LRFN1: variants seen among roughly 807,000 people sequenced by gnomAD.
LRFN1 encodes leucine-rich repeat and fibronectin type III domain-containing protein 1.
A neutral mutation model predicts 31.8 loss-of-function variants in LRFN1; 20 were observed. That is an observed-to-expected ratio of 0.63 (90% CI 0.44 to 0.91). The LOEUF (loss-of-function observed/expected upper bound fraction) is 0.91. Ranked by LOEUF, LRFN1 falls within the 40% of genes least tolerant of loss-of-function variation. The pLI is 0.00. For synonymous variants in LRFN1, 514 were observed against 541.3 expected (o/e 0.95, Z 0.70); for missense variants, 912 against 1,129.8 (o/e 0.81, Z 2.76).
chr19:39,312,264 C>A (rs1284471562), intron 4 of LRFN1, among the ~76,000 whole-genome samples: 1 of 151,848 alleles, frequency 6.6e-6, no homozygotes, highest in Non-Finnish European at 1.5e-5. Context: ...GAGATGGAGG[C>A]CAAGAGGCAG....
In LRFN1 at chr19:39,315,199, T is replaced by C. The variant is rs773502445; in HGVS notation, c.138A>G (p.Thr46=). The C allele has an allele frequency of 1.1e-5, 17 of 1,583,152 alleles. No individual in the cohort carries two copies. The East Asian group carries it at 3.2e-4, about 29-fold the overall frequency. Residue 46 remains threonine (T), a synonymous_variant, in exon 4 of 5, where the codon ACA becomes ACG. Transcript: ENST00000248668. This position sits in a 1 kb window ranked among gnomAD's most constrained non-coding sequence, Gnocchi z 4.7. ...GRCICQNVAP[T]LTMLCAKTGL... The stretch of plus-strand genomic sequence containing the variant: ...CGGTCTTGGCGCACAGCATTGTCAG[T>C]GTGGGCGCCACGTTCTGGCAGATGC...
intron 2 of LRFN1, among the ~76,000 whole-genome samples, chr19:39,317,976 G>A (rs901353487): frequency 6.6e-6 from 1 of 151,962 alleles, no homozygotes; most frequent in Non-Finnish European, 1.5e-5. Flanking sequence ...TAAATGCAGG[G>A]GTCATTTCAT....
chr19:39,320,015 C>T (rs946267784), intron 1 of LRFN1, among the ~76,000 whole-genome samples: 2 of 151,526 alleles, frequency 1.3e-5, no homozygotes, highest in African/African-American at 2.4e-5. Context: ...GCCGGGTCTT[C>T]GCCCCCCAAC....
Position 39,315,112 on chromosome 19 carries a change from G to T in LRFN1, c.225C>A (p.Asn75Lys). Residue 75 changes from asparagine to lysine, a missense_variant, in exon 4 of 5, where the codon AAC (asparagine) becomes AAA (lysine). By Grantham distance (94) the Asn-to-Lys change is moderately conservative (BLOSUM62 0). Coordinates refer to ENST00000248668, the MANE Select transcript of LRFN1 (RefSeq NM_020862.2). This position sits in a 1 kb window ranked among gnomAD's most constrained non-coding sequence, Gnocchi z 4.7. ...RRVVELRLTDNFIAAVRRRDF... is the reference protein window; with the variant it reads ...RRVVELRLTDKFIAAVRRRDF... ...CTCGGCGGCGCACGGCGGCGATGAA[G>T]TTGTCGGTGAGCCGCAGCTCCACCA... 1 of 1,593,954 alleles carries T rather than the reference G, an allele frequency of 6.3e-7. No individual in the cohort carries two copies.
chr19:39,311,552 G>A (rs1387169253), intron 4 of LRFN1, among the ~76,000 whole-genome samples: 2 of 152,198 alleles, frequency 1.3e-5, no homozygotes, highest in African/African-American at 2.4e-5. Context: ...AGTGTATAAA[G>A]GACAGCTTTG....
intron 1 of LRFN1, among the ~76,000 whole-genome samples, chr19:39,320,096 C>T (rs894925002): frequency 2.5e-4 from 36 of 143,560 alleles, no homozygotes; most frequent in African/African-American, 8.9e-4. Flanking sequence ...CTCCTGGCCG[C>T]CCATCCCCCC....
rs1399670006 is a variant in LRFN1, at chr19:39,307,596, T to G, written c.*37A>C. The G allele has an allele frequency of 3.6e-6, 5 of 1,374,408 alleles. No individual in the cohort carries two copies. Among genetic ancestry groups the G allele is most frequent in the Non-Finnish European group, 3.7e-6 (4 of 1,071,202 alleles). 85.1% of individuals were successfully genotyped at this position (1,374,408 alleles called of 1,614,324 possible). ...AGCGTCCGTGCGGCTGGGCGTTTGG[T>G]CTGCGGCACCCAGGCGTCCCGGCGC... On this transcript the variant is annotated 3_prime_UTR_variant, in exon 5 of 5. Transcript: ENST00000248668. The surrounding 1 kb of genome is among the most constrained non-coding windows in gnomAD (Gnocchi z 6.7).
Position 39,314,038 on chromosome 19 carries a change from G to T in LRFN1, c.1299C>A (p.Leu433=). 1.9e-6 allele frequency: 3 copies of T among 1,611,070 alleles called. No individual in the cohort carries two copies. The highest frequency in any genetic ancestry group is 1.1e-5 in the South Asian group (1 of 91,066). Residue 433 remains leucine, a synonymous_variant, in exon 4 of 5, where the codon CTC becomes CTA. Coordinates refer to ENST00000248668, the MANE Select transcript of LRFN1 (RefSeq NM_020862.2). The part of the protein sequence containing the change: ...AAERRLVAAE[L]TSNSVLIRWP... ...AGCGGATGAGCACGGAGTTCGAGGT[G>T]AGCTCGGCTGCCACGAGCCGACGCT...
In LRFN1 at chr19:39,313,922, C is replaced by T. The variant is rs956942455; in HGVS notation, c.1406+9G>A. 1.9e-6 allele frequency: 3 copies of T among 1,577,052 alleles called. No homozygotes were observed. Among genetic ancestry groups the T allele is most frequent in the African/African-American group, 1.3e-5 (1 of 74,636 alleles). On this transcript the variant is annotated intron_variant, in intron 4 of 4. Transcript: ENST00000248668. ...GAGGAGGCCCTGGGACTGCAGCACC[C>T]GCACCCACCTGTAGACGAGGGAGTC...
In LRFN1 at chr19:39,307,297, C is replaced by T; in HGVS notation, c.*336G>A. The T allele has an allele frequency of 2.5e-6, 1 of 399,760 alleles. No individual in the cohort carries two copies. Among genetic ancestry groups the T allele is most frequent in the Non-Finnish European group, 4.4e-6 (1 of 226,620 alleles). 24.8% of individuals were successfully genotyped at this position (399,760 alleles called of 1,614,324 possible). A position where few individuals can be genotyped will look rare whatever the true frequency, so the allele number is the denominator to read the frequency against. On this transcript the variant is annotated 3_prime_UTR_variant, in exon 5 of 5. Transcript: ENST00000248668. This position sits in a 1 kb window ranked among gnomAD's most constrained non-coding sequence, Gnocchi z 6.7. The stretch of plus-strand genomic sequence containing the variant: ...GGGGGAGGGGGCTCGTGTCTCAGTG[C>T]TGCAGTGTCAGGGGGCCCTGCCCCT...
chr19:39,314,838 G>C lies in LRFN1; in HGVS notation c.499C>G (p.Leu167Val), dbSNP rs1353719808. 6.2e-7 allele frequency: 1 copy of C among 1,612,068 alleles called. No homozygotes were observed. Among genetic ancestry groups the C allele is most frequent in the African/African-American group, 1.3e-5 (1 of 74,910 alleles). Residue 167 changes from leucine to valine, a missense_variant, in exon 4 of 5, where the codon CTG becomes GTG. This residue lies in a region of LRFN1 where 401 missense variants were observed against 572.7 expected (regional missense o/e 0.70). Transcript: ENST00000248668. ...TCCAGGTTGTTGTAGGACAGATCCA[G>C]GTCCTCCACGGTGGACAGGAAGGCG... is the stretch of plus-strand genomic sequence containing the variant. ...FDAFLSTVED[L>V]DLSYNNLEAL... is the part of the protein sequence containing the mutation.
rs1263988938 is a variant in LRFN1 at position 39,314,146 on chromosome 19, C to T, written c.1191G>A (p.Pro397=). The T allele has an allele frequency of 6.2e-7, 1 of 1,611,968 alleles. No homozygotes were observed. ...VVPLPLMAPP[P]AAPPPLTEPG... ...GCTCGGTGAGAGGCGGCGGGGCAGC[C>T]GGCGGGGGTGCCATCAGAGGCAGAG... The change falls in exon 4 of 5, where the codon CCG becomes CCA. Residue 397 remains proline (P), a synonymous_variant. Coordinates refer to ENST00000248668, the MANE Select transcript of LRFN1 (RefSeq NM_020862.2).
In LRFN1 at chr19:39,313,996, A is replaced by G; in HGVS notation, c.1341T>C (p.Pro447=). ...CCTGGTACATGCGTATTCCGGGCACAGGCCTCTGGGCTGGCCAGCGGATGA... is the reference window on the plus strand; with the variant it reads ...CCTGGTACATGCGTATTCCGGGCACGGGCCTCTGGGCTGGCCAGCGGATGA... The part of the protein sequence containing the change: ...SVLIRWPAQR[P]VPGIRMYQVQ... Residue 447 remains proline, a synonymous_variant, in exon 4 of 5, where the codon CCT becomes CCC. Transcript: ENST00000248668. 1 of 1,610,826 alleles carries G rather than the reference A, an allele frequency of 6.2e-7. No homozygotes were observed. Among genetic ancestry groups the G allele is most frequent in the Non-Finnish European group, 8.5e-7 (1 of 1,179,296 alleles).
At position 39,313,993 on chromosome 19, in the gene LRFN1, C is replaced by T; in HGVS notation, c.1344G>A (p.Val448=). The T allele has an allele frequency of 6.2e-7, 1 of 1,610,530 alleles. No individual in the cohort carries two copies. Among genetic ancestry groups the T allele is most frequent in the South Asian group, 1.1e-5 (1 of 91,056 alleles). The change falls in exon 4 of 5, where the codon GTG becomes GTA. Residue 448 remains valine (V), a synonymous_variant. Coordinates refer to ENST00000248668, the MANE Select transcript of LRFN1 (RefSeq NM_020862.2). ...GAACCTGGTACATGCGTATTCCGGG[C>T]ACAGGCCTCTGGGCTGGCCAGCGGA... ...VLIRWPAQRP[V]PGIRMYQVQY...
At position 39,314,039 on chromosome 19, in the gene LRFN1, AG is replaced by A; in HGVS notation, c.1297del (p.Leu433SerfsTer38). 1 of 1,611,066 alleles carries A rather than the reference AG, an allele frequency of 6.2e-7. No individual in the cohort carries two copies. The highest frequency in any genetic ancestry group is 8.5e-7 in the Non-Finnish European group (1 of 1,179,728). The stretch of plus-strand genomic sequence containing the variant: ...GCGGATGAGCACGGAGTTCGAGGTG[AG>A]CTCGGCTGCCACGAGCCGACGCTCA... ...AAERRLVAAELTSNSVLIRWP... is the reference protein window; with the variant it reads ...AAERRLVAAEXTSNSVLIRWP... On this transcript the variant is annotated frameshift_variant, in exon 4 of 5. Transcript: ENST00000248668. LOFTEE classifies it high-confidence loss of function.
chr19:39,308,429 G>A lies in LRFN1; in HGVS notation c.1520C>T (p.Thr507Met). The A allele has an allele frequency of 3.7e-6, 6 of 1,611,096 alleles. No individual in the cohort carries two copies. Among genetic ancestry groups the A allele is most frequent in the Non-Finnish European group, 5.1e-6 (6 of 1,179,468 alleles). Reference protein sequence around the residue: ...YDDGATALPATRVVGCVQFTT... With the variant: ...YDDGATALPAMRVVGCVQFTT... ...GAACTGTACACAGCCCACCACTCGC[G>A]TTGCCGGCAGCGCTGTGGCCCCGTC... The change falls in exon 5 of 5, where the codon ACG becomes ATG. Residue 507 changes from threonine to methionine, a missense_variant. Physicochemically the swap from Thr to Met is moderately conservative, Grantham distance 81 (BLOSUM62 -1). Coordinates refer to ENST00000248668, the MANE Select transcript of LRFN1 (RefSeq NM_020862.2). The surrounding 1 kb of genome is among the most constrained non-coding windows in gnomAD (Gnocchi z 6.2).
Position 39,314,924 on chromosome 19 carries a change from T to G in LRFN1, c.413A>C (p.Asn138Thr), listed in dbSNP as rs749073275. Residue 138 changes from asparagine to threonine, a missense_variant, in exon 4 of 5, where the codon AAC becomes ACC. Coordinates refer to ENST00000248668, the MANE Select transcript of LRFN1 (RefSeq NM_020862.2). ...VRGDQLRGLG[N>T]LRHLILGNNQ... ...GTTTCCAAGGATCAGGTGGCGGAGG[T>G]TGCCCAGGCCGCGGAGCTGGTCGCC... The G allele has an allele frequency of 6.2e-7, 1 of 1,607,088 alleles. No individual in the cohort carries two copies. Among genetic ancestry groups the G allele is most frequent in the Middle Eastern group, 1.7e-4 (1 of 6,058 alleles).
chr19:39,309,478 CAAAAAA>C lies in LRFN1; in HGVS notation c.1407-942_1407-937del, dbSNP rs71169583. On this transcript the variant is annotated intron_variant, in intron 4 of 4. Transcript: ENST00000248668. ...ACTCTGTCTCAAAAAACAAACAAAC[CAAAAAA>C]AAAAAAAAAAAAAAAAAAAAAAACC... Among the ~76,000 whole-genome samples, 45 of 31,998 alleles carry C rather than the reference CAAAAAA, an allele frequency of 1.4e-3. 1 individual carries two copies. Among genetic ancestry groups the C allele is most frequent in the African/African-American group, 5.3e-3 (36 of 6,826 alleles). 21.0% of individuals were successfully genotyped at this position (31,998 alleles called of 152,430 possible).
chr19:39,317,221 A>C (rs183162575), intron 2 of LRFN1, among the ~76,000 whole-genome samples: 1 of 152,238 alleles, frequency 6.6e-6, no homozygotes, highest in East Asian at 1.9e-4. Flanking sequence ...AAAAATAGAG[A>C]CAGTATTAGA....
Sources: allele counts gnomAD v4.1 joint callset (sites outside exome capture counted in the v4.1 genomes callset), GRCh38; gene constraint gnomAD v4.1.1; regional missense constraint gnomAD v4.1.1; non-coding constraint Gnocchi (gnomAD v3.1); transcripts MANE v1.5; gene names NCBI Gene and HGNC (gene_info 2026-07-23, HGNC 2026-07-21).